Variants in FRMD5 observed in about 807,000 individuals in gnomAD.
FRMD5 encodes FERM domain-containing protein 5.
Under a neutral mutation model 69.0 loss-of-function variants are expected in FRMD5, and 20 were observed. That is an observed-to-expected ratio of 0.29 (90% CI 0.20 to 0.42). FRMD5 has a LOEUF of 0.42. Among genes scored for constraint, FRMD5 ranks in the 10% least tolerant of loss-of-function variants. The probability of loss-of-function intolerance (pLI) is 1.00; values close to 1 mark genes in which losing one functional copy is unlikely to be tolerated. For missense variants in FRMD5, 595 were observed against 708.6 expected, an observed-to-expected ratio of 0.84 and a Z score of 1.82; for synonymous variants, 271 against 260.1, an observed-to-expected ratio of 1.04 and a Z score of -0.40.
At chr15:44,095,957 A>G (rs972697356) in intron 1 of FRMD5, among the ~76,000 whole-genome samples, 7 of 152,134 alleles carry the variant, frequency 4.6e-5, no homozygotes, top group African/African-American at 1.7e-4. Context: ...CTATAATCCC[A>G]ATACTTTGGG....
At chr15:43,981,590 G>A (rs2090549432) in intron 1 of FRMD5, among the ~76,000 whole-genome samples, 1 of 152,152 alleles carries the variant, frequency 6.6e-6, no homozygotes, top group Admixed American at 6.5e-5. Flanking sequence ...CTCTAAAAAT[G>A]TTTCTATATG....
chr15:43,873,323 T>C lies in FRMD5; in HGVS notation c.*562A>G, dbSNP rs2088215114. On this transcript the variant is annotated 3_prime_UTR_variant, in exon 14 of 14. Transcript: ENST00000417257. ...CATTCTACATGGATGTTTACTTTTT[T>C]AAAAGTTCTGGCTGGCAAAAAAAAC... 2 of 1,502,252 alleles carry C rather than the reference T, an allele frequency of 1.3e-6. No individual in the cohort carries two copies. Among genetic ancestry groups the C allele is most frequent in the Admixed American group, 2.4e-5 (1 of 41,866 alleles). 93.1% of individuals were successfully genotyped at this position (1,502,252 alleles called of 1,614,324 possible). A position where few individuals can be genotyped will look rare whatever the true frequency, so the allele number is the denominator to read the frequency against.
At chr15:43,888,724 C>G in intron 9 of FRMD5, 85 bp downstream of exon 9, 1 of 1,146,660 alleles carries the variant, frequency 8.7e-7, no homozygotes, top group Non-Finnish European at 1.3e-6. Flanking sequence ...CTTGGCTCTA[C>G]TGGGGTCCCT....
At chr15:44,151,855 TA>T (rs755936588) in intron 1 of FRMD5, among the ~76,000 whole-genome samples, 1 of 152,178 alleles carries the variant, frequency 6.6e-6, no homozygotes, top group Non-Finnish European at 1.5e-5. Flanking sequence ...GATAAGCGAT[TA>T]ATGTCCGGAA....
chr15:43,885,857 G>A, intron 10 of FRMD5, 102 bp from the exon 11 acceptor site: 1 of 897,724 alleles, frequency 1.1e-6, no homozygotes, highest in South Asian at 1.3e-5. Flanking sequence ...TGAAACTTCA[G>A]GAAAAAAGCC....
chr15:44,039,353 C>T (rs1254813459), intron 1 of FRMD5, among the ~76,000 whole-genome samples: 1 of 152,198 alleles, frequency 6.6e-6, no homozygotes, highest in Non-Finnish European at 1.5e-5. Flanking sequence ...CAAGTGGGTC[C>T]CTGACCCCTG....
At chr15:44,093,793 C>T (rs910879476) in intron 1 of FRMD5, among the ~76,000 whole-genome samples, 2 of 151,820 alleles carry the variant, frequency 1.3e-5, no homozygotes, top group Non-Finnish European at 2.9e-5. Flanking sequence ...AGGATGGTCT[C>T]GATCTCCTAA....
At chr15:44,029,755 A>T (rs887577495) in intron 1 of FRMD5, among the ~76,000 whole-genome samples, 16 of 152,252 alleles carry the variant, frequency 1.1e-4, no homozygotes, top group Non-Finnish European at 1.8e-4. Flanking sequence ...GCTTTAAAAC[A>T]GAACAGATGC....
At chr15:43,952,750 C>T (rs936483825) in intron 1 of FRMD5, among the ~76,000 whole-genome samples, 4 of 152,230 alleles carry the variant, frequency 2.6e-5, no homozygotes, top group Admixed American at 2.0e-4. Context: ...CAGCACGCAG[C>T]TTTTGTCAGA....
intron 1 of FRMD5, among the ~76,000 whole-genome samples, chr15:43,966,344 A>G (rs1167867191): frequency 9.9e-5 from 15 of 152,164 alleles, no homozygotes; most frequent in Admixed American, 9.2e-4. Context: ...GTTGCAGTCC[A>G]GCCTGGGAGA....
At chr15:44,037,011 A>C (rs185356410) in intron 1 of FRMD5, among the ~76,000 whole-genome samples, 8 of 152,198 alleles carry the variant, frequency 5.3e-5, no homozygotes, top group Admixed American at 5.2e-4. Context: ...TAATACTTTA[A>C]GTTCTGGGAT....
chr15:44,012,761 GTT>G (rs35690752), intron 1 of FRMD5, among the ~76,000 whole-genome samples: 15 of 120,820 alleles, frequency 1.2e-4, no homozygotes, highest in Non-Finnish European at 2.1e-4. Flanking sequence ...AAGTTATTGG[GTT>G]TTTTTTTTTT....
At position 43,919,816 on chromosome 15, in the gene FRMD5, CAG is replaced by C. The variant is rs1194745000; in HGVS notation, c.208-9_208-8del. On this transcript the variant is annotated splice_polypyrimidine_tract_variant and splice_region_variant and intron_variant, in intron 2 of 13. Transcript: ENST00000417257. ...TTGTAAATTCCAGCCAATGCTGAAA[CAG>C]AGAACACAGAACATGAAAACCCTAA... 4 of 1,613,090 alleles carry C rather than the reference CAG, an allele frequency of 2.5e-6. No individual in the cohort carries two copies. Among genetic ancestry groups the C allele is most frequent in the Non-Finnish European group, 2.5e-6 (3 of 1,179,086 alleles).
intron 1 of FRMD5, among the ~76,000 whole-genome samples, chr15:44,027,801 C>A (rs529087761): frequency 2.0e-5 from 3 of 152,152 alleles, no homozygotes; most frequent in East Asian, 3.9e-4. Flanking sequence ...CGTGCCAACA[C>A]AACCAGCTAA....
Position 44,053,781 on chromosome 15 carries a change from TA to T in FRMD5, c.103-129473del, listed in dbSNP as rs1198344283. On this transcript the variant is annotated intron_variant, in intron 1 of 13. Coordinates refer to ENST00000417257, the MANE Select transcript of FRMD5 (RefSeq NM_032892.5). Reference sequence around the variant, plus strand: ...GAAAGGCTAACAAGATAATTAGATATAAAAAAACTGAAGCTCAGGGTGAGAA... The same window carrying T: ...GAAAGGCTAACAAGATAATTAGATATAAAAAACTGAAGCTCAGGGTGAGAA... 2.6e-4 allele frequency among the ~76,000 whole-genome samples: 39 copies of T among 151,970 alleles called. 1 individual carries two copies. The highest frequency in any genetic ancestry group is 1.2e-4 in the Non-Finnish European group (8 of 67,800).
chr15:44,067,573 C>A (rs906245545), intron 1 of FRMD5, among the ~76,000 whole-genome samples: 10 of 152,096 alleles, frequency 6.6e-5, no homozygotes, highest in Admixed American at 6.5e-4. Context: ...TGGATCATGC[C>A]GTGTTGCTGC....
At chr15:43,980,991 T>C (rs2090539674) in intron 1 of FRMD5, among the ~76,000 whole-genome samples, 1 of 152,114 alleles carries the variant, frequency 6.6e-6, no homozygotes, top group Admixed American at 6.5e-5. Context: ...GATAACATAG[T>C]CAATTTAACA....
At chr15:44,186,024 T>G (rs2078094866) in intron 1 of FRMD5, among the ~76,000 whole-genome samples, 1 of 152,132 alleles carries the variant, frequency 6.6e-6, no homozygotes, top group Admixed American at 6.5e-5. Context: ...GCCTCCCCAG[T>G]TCAAACGATT....
chr15:43,936,836 C>T (rs1349469913), intron 1 of FRMD5, among the ~76,000 whole-genome samples: 1 of 151,804 alleles, frequency 6.6e-6, no homozygotes, highest in African/African-American at 2.4e-5. Flanking sequence ...GACAGTACAG[C>T]CCGGTTCTAA....
Sources: gnomAD v4.1 joint callset for allele counts (sites outside exome capture counted in the v4.1 genomes callset) on GRCh38, gnomAD v4.1.1 for gene constraint, MANE v1.5 for transcripts, NCBI Gene and HGNC (gene_info 2026-07-23, HGNC 2026-07-21) for gene names.